The following TRIM71 variants were observed in gnomAD, a reference collection of about 807,000 sequenced individuals.
TRIM71 encodes the protein tripartite motif containing 71.
In TRIM71, 9 loss-of-function variants were observed where a neutral mutation model predicts 61.2. The observed-to-expected ratio is 0.15, with a 90% confidence interval of 0.09 to 0.26. The LOEUF (loss-of-function observed/expected upper bound fraction) is 0.26, where lower values mean the gene tolerates loss of function less well. TRIM71 is among the 10% of genes least tolerant of loss of function. TRIM71 has a pLI of 1.00. For missense variants in TRIM71, 998 were observed against 1,238.7 expected (o/e 0.81, Z 2.92); for synonymous variants, 645 against 553.2 (o/e 1.17, Z -2.33).
At chr3:32,840,083 T>C (rs1040663869) in intron 1 of TRIM71, among the ~76,000 whole-genome samples, 3 of 152,204 alleles carry the variant, frequency 2.0e-5, no homozygotes, top group Non-Finnish European at 4.4e-5. Flanking sequence ...AAAATGTCTT[T>C]CCCAAGGCCT....
At chr3:32,873,700 C>A (rs1696822062) in intron 1 of TRIM71, 118 bp from the exon 2 acceptor site, 2 of 949,236 alleles carry the variant, frequency 2.1e-6, no homozygotes, top group Non-Finnish European at 3.0e-6. Context: ...TTGGGGTGTG[C>A]TTGCTCATTG....
rs1178476282 is a variant in TRIM71, at chr3:32,891,826, T to A, written c.*15T>A. 6.2e-7 allele frequency: 1 copy of A among 1,611,528 alleles called. No individual in the cohort carries two copies. Among genetic ancestry groups the A allele is most frequent in the African/African-American group, 1.3e-5 (1 of 74,554 alleles). On this transcript the variant is annotated 3_prime_UTR_variant, in exon 4 of 4. Transcript: ENST00000383763. The surrounding 1 kb of genome is among the most constrained non-coding windows in gnomAD (Gnocchi z 8.2). ...TCGTCTTCTAATTGCATTTCCTAGG[T>A]TTCTGTGTTTGGGGTGTGTGTGCGT...
rs565516618 is a variant in TRIM71 at position 32,872,020 on chromosome 3, T to C, written c.853-1798T>C. ...TTAGTTGGGCGTGGTGGCAGGCACCTTTAGTCCCAGCTACTCCCAGGGAGG... is the reference window on the plus strand; with the variant it reads ...TTAGTTGGGCGTGGTGGCAGGCACCCTTAGTCCCAGCTACTCCCAGGGAGG... On this transcript the variant is annotated intron_variant, in intron 1 of 3. Coordinates refer to ENST00000383763, the MANE Select transcript of TRIM71 (RefSeq NM_001039111.3). 1.0e-3 allele frequency among the ~76,000 whole-genome samples: 156 copies of C among 152,266 alleles called. 1 individual carries two copies. Among genetic ancestry groups the C allele is most frequent in the African/African-American group, 3.5e-3 (144 of 41,554 alleles).
At chr3:32,853,064 C>G (rs373467082) in intron 1 of TRIM71, among the ~76,000 whole-genome samples, 2 of 150,976 alleles carry the variant, frequency 1.3e-5, no homozygotes, top group East Asian at 3.9e-4. Flanking sequence ...ACATTACTGT[C>G]TTCTGTATTT....
chr3:32,818,998 C>T (rs1040145114), intron 1 of TRIM71, 66 bp downstream of exon 1: 1 of 1,560,690 alleles, frequency 6.4e-7, no homozygotes, highest in Non-Finnish European at 8.7e-7. Context: ...CAGCGTTTCC[C>T]GGCCGGTCCC....
In TRIM71 at chr3:32,890,373, G is replaced by A. The variant is rs763658967; in HGVS notation, c.1169G>A (p.Arg390His). ...TTTTCCCTCCAGGTAGAAAAGATCC[G>A]CCAGGTGAAAGCCAAGTCTCTGTAC... Reference protein sequence around the residue: ...CELLWKVEKIRQVKAKSLYLQ... With the variant: ...CELLWKVEKIHQVKAKSLYLQ... Residue 390 changes from arginine (R) to histidine (H), a missense_variant, in exon 4 of 4, where the codon CGC (arginine) becomes CAC (histidine). By Grantham distance (29) the Arg-to-His change is conservative. Coordinates refer to ENST00000383763, the MANE Select transcript of TRIM71 (RefSeq NM_001039111.3). The surrounding 1 kb of genome is among the most constrained non-coding windows in gnomAD (Gnocchi z 6.2). 7.5e-6 allele frequency: 12 copies of A among 1,607,612 alleles called. 1 individual carries two copies. In the South Asian group the frequency reaches 1.2e-4, roughly 16 times the overall value.
intron 1 of TRIM71, among the ~76,000 whole-genome samples, chr3:32,860,575 G>T (rs1696656220): frequency 6.6e-6 from 1 of 152,152 alleles, no homozygotes; most frequent in Non-Finnish European, 1.5e-5. Flanking sequence ...TTGATGGTTG[G>T]TAAGAGAAGA....
intron 1 of TRIM71, among the ~76,000 whole-genome samples, chr3:32,847,561 C>T (rs552797600): frequency 2.6e-5 from 4 of 152,300 alleles, no homozygotes; most frequent in Admixed American, 2.6e-4. Context: ...GCTGTACTAA[C>T]TTTAAGGTTG....
chr3:32,826,083 C>T (rs1304026305), intron 1 of TRIM71, among the ~76,000 whole-genome samples: 2 of 152,130 alleles, frequency 1.3e-5, no homozygotes, highest in Admixed American at 6.5e-5. Context: ...TCTTGCCTTC[C>T]TCATGCTGTA....
rs1020326038 is a variant in TRIM71 at position 32,849,361 on chromosome 3, G to GT, written c.853-24447dup. Among the ~76,000 whole-genome samples the GT allele has an allele frequency of 1.1e-3, 159 of 146,344 alleles. 1 individual carries two copies. The highest frequency in any genetic ancestry group is 3.2e-3 in the Admixed American group (47 of 14,748). On this transcript the variant is annotated intron_variant, in intron 1 of 3. Transcript: ENST00000383763. ...TTGCATAGGGCCTGGAGTTTTTTTG[G>GT]TTTTTTTTTTCTTTTGAGACAGAGC...
intron 1 of TRIM71, among the ~76,000 whole-genome samples, chr3:32,864,847 TGTGTGTGTGTGTGTG>T (rs1696713998): frequency 1.1e-3 from 1 of 890 alleles, no homozygotes; most frequent in Non-Finnish European, 0.011. Context: ...AATTAAGTGG[TGTGTGTGTGTGTGTG>T]TGTGTGTGTG....
Position 32,844,717 on chromosome 3 carries a change from A to G in TRIM71, c.852+25785A>G, listed in dbSNP as rs183289449. Among the ~76,000 whole-genome samples the G allele has an allele frequency of 1.2e-4, 19 of 152,316 alleles. No homozygotes were observed. The East Asian group carries it at 3.7e-3, about 29-fold the overall frequency. ...CCCTGGTGGGTTTAAGCAGCCTGTG[A>G]TAATAATGAAGCTTTAACTTAGCTG... On this transcript the variant is annotated intron_variant, in intron 1 of 3. Coordinates refer to ENST00000383763, the MANE Select transcript of TRIM71 (RefSeq NM_001039111.3).
Position 32,891,987 on chromosome 3 carries a change from CTCA to C in TRIM71, c.*179_*181del, listed in dbSNP as rs1212846579. 2.3e-6 allele frequency: 2 copies of C among 880,194 alleles called. No individual in the cohort carries two copies. Among genetic ancestry groups the C allele is most frequent in the African/African-American group, 1.8e-5 (1 of 57,036 alleles). The allele number at this position is 880,194 out of a possible 1,614,324, so 54.5% of individuals were successfully genotyped here. On this transcript the variant is annotated 3_prime_UTR_variant, in exon 4 of 4. Transcript: ENST00000383763. This position sits in a 1 kb window ranked among gnomAD's most constrained non-coding sequence, Gnocchi z 8.2. Reference sequence around the variant, plus strand: ...AAGTACAACATTGCTTAAGTCCTACCTCATCTTTATTTTTTTACAGATGAATGT... The same window carrying C: ...AAGTACAACATTGCTTAAGTCCTACCTCTTTATTTTTTTACAGATGAATGT...
At chr3:32,864,262 C>G (rs908142960) in intron 1 of TRIM71, among the ~76,000 whole-genome samples, 1 of 152,196 alleles carries the variant, frequency 6.6e-6, no homozygotes, top group African/African-American at 2.4e-5. Flanking sequence ...TAATCCAAAA[C>G]ACAACTCTGG....
In TRIM71 at chr3:32,827,268, C is replaced by CTT. The variant is rs369755706; in HGVS notation, c.852+8349_852+8350dup. Among the ~76,000 whole-genome samples the CTT allele has an allele frequency of 9.4e-3, 1,221 of 129,718 alleles. 28 individuals carry two copies. The highest frequency in any genetic ancestry group is 0.015 in the Non-Finnish European group (874 of 59,948). 85.1% of individuals were successfully genotyped at this position (129,718 alleles called of 152,430 possible). A position where few individuals can be genotyped will look rare whatever the true frequency, so the allele number is the denominator to read the frequency against. On this transcript the variant is annotated intron_variant, in intron 1 of 3. Transcript: ENST00000383763. ...TGTCATGAAGGGTAGGGGGATAATT[C>CTT]TTTTTTTTTTTTTTGGGTGGAGTCT...
chr3:32,852,347 A>G (rs1473972094), intron 1 of TRIM71, among the ~76,000 whole-genome samples: 1 of 152,160 alleles, frequency 6.6e-6, no homozygotes, highest in African/African-American at 2.4e-5. Context: ...CCATATGTCC[A>G]CTACTGGGTT....
intron 1 of TRIM71, among the ~76,000 whole-genome samples, chr3:32,855,374 G>A (rs1184042131): frequency 6.6e-6 from 1 of 152,102 alleles, no homozygotes; most frequent in Non-Finnish European, 1.5e-5. Flanking sequence ...GTGGGGTGGG[G>A]GAGGGCATGG....
intron 1 of TRIM71, among the ~76,000 whole-genome samples, chr3:32,867,442 T>C (rs1168598230): frequency 6.6e-6 from 1 of 152,160 alleles, no homozygotes; most frequent in Non-Finnish European, 1.5e-5. Flanking sequence ...TGTGTGTGTA[T>C]GTGTGTATAT....
chr3:32,841,081 C>G (rs578183245), intron 1 of TRIM71, among the ~76,000 whole-genome samples: 1 of 151,816 alleles, frequency 6.6e-6, no homozygotes, highest in Non-Finnish European at 1.5e-5. Flanking sequence ...CCCATCTGTA[C>G]TAAAAAACAA....
Sources: allele counts gnomAD v4.1 joint callset (sites outside exome capture counted in the v4.1 genomes callset), GRCh38; gene constraint gnomAD v4.1.1; non-coding constraint Gnocchi (gnomAD v3.1); transcripts MANE v1.5; gene names NCBI Gene and HGNC (gene_info 2026-07-23, HGNC 2026-07-21).